Variants in RBMS1 observed in about 807,000 individuals in gnomAD.
RBMS1 encodes RNA-binding motif, single-stranded-interacting protein 1.
A neutral mutation model predicts 62.3 loss-of-function variants in RBMS1; 17 were observed. The observed-to-expected ratio is 0.27, with a 90% confidence interval of 0.19 to 0.41. RBMS1 has a LOEUF of 0.41. Ranked by LOEUF, RBMS1 falls within the 10% of genes least tolerant of loss-of-function variation. The pLI is 1.00. For synonymous variants in RBMS1, 172 were observed against 170.0 expected (o/e 1.01, Z -0.09); for missense variants, 334 against 504.5 (o/e 0.66, Z 3.24).
intron 1 of RBMS1, among the ~76,000 whole-genome samples, chr2:160,394,141 C>A (rs1573993130): frequency 6.6e-6 from 1 of 152,128 alleles, no homozygotes; most frequent in East Asian, 1.9e-4. Context: ...CAACTAAGAA[C>A]CTTAATATAG....
chr2:160,485,001 T>C (rs1417055738), intron 1 of RBMS1, among the ~76,000 whole-genome samples: 1 of 152,184 alleles, frequency 6.6e-6, no homozygotes, highest in East Asian at 1.9e-4. Context: ...GATGTTTGCT[T>C]GATTCAGGGC....
chr2:160,324,905 T>TACACACACACAC (rs1479224727), intron 2 of RBMS1, among the ~76,000 whole-genome samples: 2 of 118,692 alleles, frequency 1.7e-5, no homozygotes, highest in African/African-American at 3.6e-5. Context: ...TATATATATA[T>TACACACACACAC]ATACACACAC....
chr2:160,320,784 A>C (rs986160674), intron 2 of RBMS1, among the ~76,000 whole-genome samples: 3 of 152,156 alleles, frequency 2.0e-5, no homozygotes, highest in African/African-American at 7.2e-5. Context: ...GAACCAAATA[A>C]ACCTTTTCTT....
At position 160,486,136 on chromosome 2, in the gene RBMS1, A is replaced by G. The variant is rs116003172; in HGVS notation, c.75+7153T>C. Among the ~76,000 whole-genome samples the G allele has an allele frequency of 5.6e-3, 846 of 152,306 alleles. 11 individuals are homozygous for G. Among genetic ancestry groups the G allele is most frequent in the African/African-American group, 0.02 (816 of 41,554 alleles). ...TAAGGGAGGGTTTAGGGGTTCTCCA[A>G]TTCAAATATACTCCCAATTGCAACT... On this transcript the variant is annotated intron_variant, in intron 1 of 13. Coordinates refer to ENST00000348849, the MANE Select transcript of RBMS1 (RefSeq NM_016836.4).
intron 1 of RBMS1, among the ~76,000 whole-genome samples, chr2:160,467,469 C>T (rs756971076): frequency 8.5e-5 from 13 of 152,158 alleles, no homozygotes; most frequent in Non-Finnish European, 1.8e-4. Flanking sequence ...GTTTCCCAAA[C>T]GTCAGAGAGG....
intron 6 of RBMS1, among the ~76,000 whole-genome samples, chr2:160,297,511 T>C (rs190905347): frequency 1.3e-5 from 2 of 152,346 alleles, no homozygotes; most frequent in Non-Finnish European, 2.9e-5. Context: ...AATAAAAAGC[T>C]GAAGATACAG....
intron 1 of RBMS1, among the ~76,000 whole-genome samples, chr2:160,406,398 C>T (rs1695709249): frequency 6.6e-6 from 1 of 152,242 alleles, no homozygotes; most frequent in Non-Finnish European, 1.5e-5. Flanking sequence ...TCACTGCCAT[C>T]GGTCGTGATC....
intron 2 of RBMS1, among the ~76,000 whole-genome samples, chr2:160,326,961 G>C (rs1310091493): frequency 6.6e-6 from 1 of 152,190 alleles, no homozygotes; most frequent in Non-Finnish European, 1.5e-5. Flanking sequence ...GTCCTGGAAA[G>C]GAAAACAATT....
At chr2:160,485,511 T>C (rs1574119968) in intron 1 of RBMS1, among the ~76,000 whole-genome samples, 1 of 152,192 alleles carries the variant, frequency 6.6e-6, no homozygotes, top group East Asian at 1.9e-4. Context: ...CTCTTACAGG[T>C]TCGCTGGGGA....
chr2:160,434,212 T>C (rs1014331024), intron 1 of RBMS1, among the ~76,000 whole-genome samples: 1 of 152,192 alleles, frequency 6.6e-6, no homozygotes, highest in African/African-American at 2.4e-5. Flanking sequence ...AAAACTGTAG[T>C]CACTAGTTCA....
At chr2:160,374,978 TC>T (rs1693920742) in intron 1 of RBMS1, among the ~76,000 whole-genome samples, 1 of 151,960 alleles carries the variant, frequency 6.6e-6, no homozygotes. Flanking sequence ...AGTTAGAATA[TC>T]CAGATTCAAG....
chr2:160,366,569 G>C (rs1250439665), intron 2 of RBMS1, among the ~76,000 whole-genome samples: 1 of 152,224 alleles, frequency 6.6e-6, no homozygotes, highest in Non-Finnish European at 1.5e-5. Flanking sequence ...TAGTGAGTTA[G>C]TGTAATTGCA....
intron 1 of RBMS1, among the ~76,000 whole-genome samples, chr2:160,469,618 C>T (rs1684837430): frequency 6.6e-6 from 1 of 152,162 alleles, no homozygotes; most frequent in East Asian, 1.9e-4. Flanking sequence ...GAGTCACTAC[C>T]CTCAGCATTT....
At chr2:160,397,514 C>G (rs1695210259) in intron 1 of RBMS1, among the ~76,000 whole-genome samples, 2 of 152,238 alleles carry the variant, frequency 1.3e-5, no homozygotes, top group South Asian at 4.1e-4. Context: ...CCTTGCTTTA[C>G]CTACAAACAC....
intron 1 of RBMS1, among the ~76,000 whole-genome samples, chr2:160,481,721 G>A (rs1685380850): frequency 6.6e-6 from 1 of 152,138 alleles, no homozygotes; most frequent in African/African-American, 2.4e-5. Flanking sequence ...TCTCAAAAGA[G>A]GATATCTAAT....
chr2:160,294,550 G>A (rs1031770964), intron 6 of RBMS1, among the ~76,000 whole-genome samples: 3 of 152,168 alleles, frequency 2.0e-5, no homozygotes, highest in Non-Finnish European at 4.4e-5. Context: ...ACTTCCTTAA[G>A]AGTGTCACAG....
At chr2:160,295,615 T>C (rs1051184007) in intron 6 of RBMS1, among the ~76,000 whole-genome samples, 1 of 152,196 alleles carries the variant, frequency 6.6e-6, no homozygotes, top group Non-Finnish European at 1.5e-5. Context: ...CCTACGATCA[T>C]TTACATGTGG....
chr2:160,287,012 A>G lies in RBMS1; in HGVS notation c.713T>C (p.Ile238Thr). ...QKKRQNPNKY[I>T]PNGRPWHREG... ...TCTATGCCATGGTCTTCCATTAGGG[A>G]TGTATTTGTTTGGGTTCTGTCTCTT... The change falls in exon 7 of 14, where the codon ATC (isoleucine) becomes ACC (threonine). Residue 238 changes from isoleucine to threonine, a missense_variant. By Grantham distance (89) the Ile-to-Thr change is moderately conservative. This residue lies in a region of RBMS1 where 182 missense variants were observed against 257.7 expected (regional missense o/e 0.71). Transcript: ENST00000348849. 6.2e-7 allele frequency: 1 copy of G among 1,610,210 alleles called. No homozygotes were observed. The highest frequency in any genetic ancestry group is 1.1e-5 in the South Asian group (1 of 90,994).
chr2:160,322,279 T>C (rs925035121), intron 2 of RBMS1, among the ~76,000 whole-genome samples: 13 of 152,188 alleles, frequency 8.5e-5, no homozygotes, highest in African/African-American at 2.9e-4. Flanking sequence ...AACTTATCAA[T>C]GAAATGATTT....
Sources: gnomAD v4.1 joint callset for allele counts (sites outside exome capture counted in the v4.1 genomes callset) on GRCh38, gnomAD v4.1.1 for gene constraint, gnomAD v4.1.1 regional missense constraint, MANE v1.5 for transcripts, NCBI Gene and HGNC (gene_info 2026-07-23, HGNC 2026-07-21) for gene names.